The following ENTPD1 variants were observed in gnomAD, a reference collection of about 807,000 sequenced individuals.
ENTPD1 encodes ectonucleoside triphosphate diphosphohydrolase 1.
A neutral mutation model predicts 57.0 loss-of-function variants in ENTPD1; 33 were observed. The ratio of observed to expected loss-of-function variants is 0.58; its 90% CI spans 0.44 to 0.77. The LOEUF (loss-of-function observed/expected upper bound fraction) is 0.77. ENTPD1 is among the 30% of genes least tolerant of loss of function. ENTPD1 has a pLI of 0.00. For missense variants in ENTPD1, 501 were observed against 603.4 expected, an observed-to-expected ratio of 0.83 and a Z score of 1.78; for synonymous variants, 202 against 218.8, an observed-to-expected ratio of 0.92 and a Z score of 0.68.
At chr10:95,818,933 G>T (rs2098339119) in intron 1 of ENTPD1, among the ~76,000 whole-genome samples, 1 of 152,186 alleles carries the variant, frequency 6.6e-6, no homozygotes, top group South Asian at 2.1e-4. Context: ...GACAAGAAAA[G>T]TTTAGTCCAG....
Position 95,847,693 on chromosome 10 carries a change from A to G in ENTPD1, c.1061A>G (p.Gln354Arg). The G allele has an allele frequency of 6.2e-7, 1 of 1,614,160 alleles. No individual in the cohort carries two copies. Among genetic ancestry groups the G allele is most frequent in the Non-Finnish European group, 8.5e-7 (1 of 1,180,006 alleles). Residue 354 changes from glutamine to arginine, a missense_variant, in exon 7 of 10, where the codon CAG (glutamine) becomes CGG (arginine). By Grantham distance (43) the Gln-to-Arg change is conservative. Coordinates refer to ENST00000371205, the MANE Select transcript of ENTPD1 (RefSeq NM_001776.6). Reference sequence around the variant, plus strand: ...AATGGGATTTTCTTGCCACCACTCCAGGGGGATTTTGGGGTAAGTTTGTGA... The same window carrying G: ...AATGGGATTTTCTTGCCACCACTCCGGGGGGATTTTGGGGTAAGTTTGTGA... ...AFNGIFLPPLQGDFGAFSAFY... is the reference protein window; with the variant it reads ...AFNGIFLPPLRGDFGAFSAFY...
intron 1 of ENTPD1, among the ~76,000 whole-genome samples, chr10:95,767,328 A>G (rs935556111): frequency 1.3e-5 from 2 of 150,970 alleles, no homozygotes; most frequent in African/African-American, 2.4e-5. Flanking sequence ...AAAAAAAAAA[A>G]AAAAAGAAAG....
chr10:95,845,876 T>A, intron 6 of ENTPD1: 5 of 484,178 alleles, frequency 1.0e-5, no homozygotes, highest in Non-Finnish European at 1.9e-5. Flanking sequence ...ATAATGAAAA[T>A]TATGTGGTAG....
intron 1 of ENTPD1, among the ~76,000 whole-genome samples, chr10:95,773,917 C>A (rs1466089888): frequency 6.6e-6 from 1 of 152,196 alleles, no homozygotes; most frequent in African/African-American, 2.4e-5. Context: ...ACACTGTCTT[C>A]CACAATGGTT....
upstream of ENTPD1, among the ~76,000 whole-genome samples, chr10:95,752,409 C>G (rs2098013482): frequency 6.6e-6 from 1 of 152,144 alleles, no homozygotes; most frequent in Non-Finnish European, 1.5e-5. Context: ...AATCCCAGCA[C>G]TTTGGGAGGC....
intron 1 of ENTPD1, among the ~76,000 whole-genome samples, chr10:95,746,744 T>G (rs2139890307): frequency 6.6e-6 from 1 of 152,356 alleles, no homozygotes; most frequent in Admixed American, 6.5e-5. Flanking sequence ...CAGTGTCCTT[T>G]TCATCTCTGG....
intron 1 of ENTPD1, among the ~76,000 whole-genome samples, chr10:95,807,737 T>C (rs1353666740): frequency 6.6e-6 from 1 of 152,212 alleles, no homozygotes; most frequent in Admixed American, 6.5e-5. Flanking sequence ...TGTTGGTGTA[T>C]GGAGTGTTAG....
intron 1 of ENTPD1, among the ~76,000 whole-genome samples, chr10:95,730,615 GATT>G (rs1253683547): frequency 6.6e-6 from 1 of 152,176 alleles, no homozygotes; most frequent in Non-Finnish European, 1.5e-5. Context: ...TTTGGTGAGA[GATT>G]AGTGGTAAGA....
chr10:95,869,008 C>G lies in ENTPD1; in HGVS notation c.*2625C>G. On this transcript the variant is annotated 3_prime_UTR_variant, in exon 10 of 10. Transcript: ENST00000371205. ...GCAGATCCAGCAATCTGCTTTGGGC[C>G]ACTCTGGGTGGGGTAGGTGAAATAA... 1 of 985,296 alleles carries G rather than the reference C, an allele frequency of 1.0e-6. No individual in the cohort carries two copies. The highest frequency in any genetic ancestry group is 5.2e-4 in the Middle Eastern group (1 of 1,914). The allele number at this position is 985,296 out of a possible 1,614,324, so 61.0% of individuals were successfully genotyped here.
intron 7 of ENTPD1, among the ~76,000 whole-genome samples, chr10:95,849,185 G>A (rs1005942052): frequency 1.3e-4 from 20 of 152,156 alleles, no homozygotes; most frequent in African/African-American, 4.3e-4. Flanking sequence ...TTTGAGCAGA[G>A]GCAGAAGAGA....
Position 95,756,295 on chromosome 10 carries a change from A to G in ENTPD1, c.16+40A>G, listed in dbSNP as rs766690516. ...GATTTGATCTGAATCCTTAAGAAAA[A>G]AAAAATAGAAGGAAAAATAAAAGCC... On this transcript the variant is annotated intron_variant, in intron 1 of 9. Coordinates refer to ENST00000371205, the MANE Select transcript of ENTPD1 (RefSeq NM_001776.6). 3.2e-6 allele frequency: 5 copies of G among 1,548,738 alleles called. No individual in the cohort carries two copies. In the East Asian group the frequency reaches 9.6e-5, roughly 30 times the overall value.
At chr10:95,787,156 A>T (rs1395004269) in intron 1 of ENTPD1, among the ~76,000 whole-genome samples, 7 of 152,238 alleles carry the variant, frequency 4.6e-5, no homozygotes, top group Non-Finnish European at 8.8e-5. Context: ...CCAATAAAGC[A>T]TAATAAGATA....
At chr10:95,711,987 C>A (rs1412862944) in exon 1 of ENTPD1, 2 of 1,613,674 alleles carry the variant, frequency 1.2e-6, no homozygotes, top group East Asian at 4.5e-5. Flanking sequence ...GACAAGCCAG[C>A]AGAAGGGTAA....
At chr10:95,798,418 G>C (rs764943673) in intron 1 of ENTPD1, among the ~76,000 whole-genome samples, 4 of 152,188 alleles carry the variant, frequency 2.6e-5, no homozygotes, top group African/African-American at 4.8e-5. Context: ...GCTGGAGGGA[G>C]AGAACTGAAG....
chr10:95,784,755 A>G (rs2098172119), intron 1 of ENTPD1, among the ~76,000 whole-genome samples: 1 of 152,144 alleles, frequency 6.6e-6, no homozygotes, highest in Non-Finnish European at 1.5e-5. Flanking sequence ...TGGAGGAGGA[A>G]GTAAAGCTGG....
At position 95,873,711 on chromosome 10, in the gene ENTPD1, C is replaced by T. The variant is rs1003884748; in HGVS notation, c.*7328C>T. On this transcript the variant is annotated 3_prime_UTR_variant, in exon 10 of 10. Coordinates refer to ENST00000371205, the MANE Select transcript of ENTPD1 (RefSeq NM_001776.6). ...TTTAAAAACTATGATTGTATTAGTT[C>T]GTTTCCATGCTGCTGATAAAGACAT... The T allele has an allele frequency of 2.3e-5, 23 of 982,030 alleles. No homozygotes were observed. Among genetic ancestry groups the T allele is most frequent in the South Asian group, 9.4e-5 (2 of 21,224 alleles). 60.8% of individuals were successfully genotyped at this position (982,030 alleles called of 1,614,324 possible).
chr10:95,726,808 T>A (rs764965616), intron 1 of ENTPD1, among the ~76,000 whole-genome samples: 6 of 152,192 alleles, frequency 3.9e-5, no homozygotes, highest in Non-Finnish European at 7.3e-5. Flanking sequence ...TTTTAGGTGT[T>A]TGAGTTCCCA....
chr10:95,718,059 A>G (rs935007471), intron 1 of ENTPD1, among the ~76,000 whole-genome samples: 4 of 152,286 alleles, frequency 2.6e-5, no homozygotes, highest in Non-Finnish European at 5.9e-5. Flanking sequence ...AAAAACTCCT[A>G]TATGATGGGG....
intron 1 of ENTPD1, among the ~76,000 whole-genome samples, chr10:95,819,703 T>G (rs1373361380): frequency 6.6e-6 from 1 of 152,148 alleles, no homozygotes; most frequent in Non-Finnish European, 1.5e-5. Context: ...CCTTGCTCTC[T>G]CACTTTAAGC....
Sources: gnomAD v4.1 joint callset for allele counts (sites outside exome capture counted in the v4.1 genomes callset) on GRCh38, gnomAD v4.1.1 for gene constraint, MANE v1.5 for transcripts, NCBI Gene and HGNC (gene_info 2026-07-23, HGNC 2026-07-21) for gene names.